The following SLC9A9 variants were observed in gnomAD, a reference collection of about 807,000 sequenced individuals.
SLC9A9 encodes the protein solute carrier family 9 member A9, also known as sodium/hydrogen exchanger 9.
SLC9A9 carries 62 observed loss-of-function variants against 77.8 expected under a neutral mutation model. The ratio of observed to expected loss-of-function variants is 0.80; its 90% confidence interval spans 0.65 to 0.98. The LOEUF is 0.98. Among genes scored for constraint, SLC9A9 ranks in the 50% least tolerant of loss-of-function variants. The pLI is 0.00. For missense variants in SLC9A9, 775 were observed against 774.9 expected (o/e 1.00, Z 0.00); for synonymous variants, 320 against 283.5 (o/e 1.13, Z -1.29).
Position 143,518,781 on chromosome 3 carries a change from T to C in SLC9A9, c.1090-23333A>G, listed in dbSNP as rs566747674. On this transcript the variant is annotated intron_variant, in intron 9 of 15. Transcript: ENST00000316549. The stretch of plus-strand genomic sequence containing the variant: ...AATGTGTTTCCACATATCTATTCTA[T>C]TGTTGATGGACATTTTGGTTGTGTC... Among the ~76,000 whole-genome samples the C allele has an allele frequency of 1.3e-3, 201 of 152,356 alleles. 2 individuals are homozygous for C. Among genetic ancestry groups the C allele is most frequent in the African/African-American group, 4.6e-3 (193 of 41,582 alleles).
intron 2 of SLC9A9, among the ~76,000 whole-genome samples, chr3:143,825,648 A>T (rs761033896): frequency 1.3e-5 from 2 of 152,220 alleles, no homozygotes; most frequent in Non-Finnish European, 2.9e-5. Flanking sequence ...ATTGCTCAGC[A>T]GTGTAACTCA....
chr3:143,829,394 CACTT>C (rs780022839), intron 2 of SLC9A9, among the ~76,000 whole-genome samples: 7 of 152,172 alleles, frequency 4.6e-5, no homozygotes, highest in South Asian at 2.1e-4. Context: ...CCTGGATACT[CACTT>C]ACTGCAGTCT....
At chr3:143,791,601 C>A (rs747737952) in intron 4 of SLC9A9, among the ~76,000 whole-genome samples, 1 of 152,226 alleles carries the variant, frequency 6.6e-6, no homozygotes, top group Non-Finnish European at 1.5e-5. Context: ...CATCCTGGAA[C>A]TTTGCACAAC....
intron 4 of SLC9A9, among the ~76,000 whole-genome samples, chr3:143,729,068 A>G (rs1020638798): frequency 6.6e-6 from 1 of 152,164 alleles, no homozygotes; most frequent in African/African-American, 2.4e-5. Context: ...TCCTACCACC[A>G]GGCAGTTCCA....
chr3:143,551,345 C>T (rs1233964104), intron 9 of SLC9A9, among the ~76,000 whole-genome samples: 2 of 152,186 alleles, frequency 1.3e-5, no homozygotes, highest in Non-Finnish European at 2.9e-5. Context: ...AGGTTATAGT[C>T]TAAAGTCCTT....
intron 4 of SLC9A9, among the ~76,000 whole-genome samples, chr3:143,743,551 G>A (rs1935135331): frequency 6.6e-6 from 1 of 152,102 alleles, no homozygotes; most frequent in African/African-American, 2.4e-5. Flanking sequence ...TCAGGAGAGA[G>A]AGGAAATTGG....
At position 143,696,844 on chromosome 3, in the gene SLC9A9, A is replaced by G. The variant is rs73868093; in HGVS notation, c.534-3537T>C. Among the ~76,000 whole-genome samples the G allele has an allele frequency of 3.0e-3, 463 of 152,282 alleles. 2 individuals carry two copies. Among genetic ancestry groups the G allele is most frequent in the Non-Finnish European group, 4.1e-3 (277 of 68,016 alleles). ...TATGGCAGGGTTACATGGAAACTAGAAGCCTCATATACTATTGCTGGAAAC... is the reference window on the plus strand; with the variant it reads ...TATGGCAGGGTTACATGGAAACTAGGAGCCTCATATACTATTGCTGGAAAC... On this transcript the variant is annotated intron_variant, in intron 4 of 15. Coordinates refer to ENST00000316549, the MANE Select transcript of SLC9A9 (RefSeq NM_173653.4).
At chr3:143,336,213 A>C (rs1351421007) in intron 14 of SLC9A9, among the ~76,000 whole-genome samples, 1 of 152,154 alleles carries the variant, frequency 6.6e-6, no homozygotes, top group Non-Finnish European at 1.5e-5. Flanking sequence ...ATACATTAGG[A>C]TGGCTACTAT....
At chr3:143,580,105 A>G (rs900069585) in intron 6 of SLC9A9, among the ~76,000 whole-genome samples, 4 of 152,298 alleles carry the variant, frequency 2.6e-5, no homozygotes, top group East Asian at 1.9e-4. Flanking sequence ...TGCAGGAAAA[A>G]AGGAAAAGTA....
intron 9 of SLC9A9, among the ~76,000 whole-genome samples, chr3:143,525,939 C>A (rs929798789): frequency 6.6e-6 from 1 of 152,102 alleles, no homozygotes; most frequent in African/African-American, 2.4e-5. Flanking sequence ...AATGAAATAG[C>A]TACAAAAGAC....
chr3:143,831,893 A>G (rs2009444354), intron 2 of SLC9A9, 126 bp downstream of exon 2: 1 of 846,758 alleles, frequency 1.2e-6, no homozygotes, highest in Admixed American at 2.3e-5. Context: ...AACGTCTCCA[A>G]AAGAGTGGTG....
intron 14 of SLC9A9, among the ~76,000 whole-genome samples, chr3:143,315,916 T>C (rs971007051): frequency 6.6e-6 from 1 of 152,228 alleles, no homozygotes; most frequent in Admixed American, 6.5e-5. Flanking sequence ...GTTCTCCAAA[T>C]GTCAGCTGGG....
chr3:143,582,583 G>C (rs73001745), intron 6 of SLC9A9, among the ~76,000 whole-genome samples: 1 of 152,138 alleles, frequency 6.6e-6, no homozygotes, highest in African/African-American at 2.4e-5. Context: ...TTTTGCATAA[G>C]AACAACAGGG....
intron 14 of SLC9A9, among the ~76,000 whole-genome samples, chr3:143,352,986 G>A (rs2032499136): frequency 6.6e-6 from 1 of 152,062 alleles, no homozygotes; most frequent in African/African-American, 2.4e-5. Flanking sequence ...TCTTAACCGG[G>A]ACACATGCGG....
At chr3:143,458,684 G>A (rs2108562392) in intron 12 of SLC9A9, among the ~76,000 whole-genome samples, 1 of 152,110 alleles carries the variant, frequency 6.6e-6, no homozygotes. Context: ...ACTTCAAGTG[G>A]AATGTAGAAA....
Position 143,578,677 on chromosome 3 carries a change from C to T in SLC9A9, c.802G>A (p.Ala268Thr). 6.2e-7 allele frequency: 1 copy of T among 1,614,078 alleles called. No homozygotes were observed. Among genetic ancestry groups the T allele is most frequent in the Non-Finnish European group, 8.5e-7 (1 of 1,179,950 alleles). The change falls in exon 7 of 16, where the codon GCC becomes ACC. Residue 268 changes from alanine (A) to threonine (T), a missense_variant. Ala to Thr is a moderately conservative substitution (Grantham distance 58). Coordinates refer to ENST00000316549, the MANE Select transcript of SLC9A9 (RefSeq NM_173653.4). ...SPKENPNAFDAAAFFQSVGNF... is the reference protein window; with the variant it reads ...SPKENPNAFDTAAFFQSVGNF... ...CCCACAGACTGGAAGAATGCTGCGGCATCAAATGCATTTGGATTCTCCTTG... is the reference window on the plus strand; with the variant it reads ...CCCACAGACTGGAAGAATGCTGCGGTATCAAATGCATTTGGATTCTCCTTG...
chr3:143,788,905 G>T (rs1369542167), intron 4 of SLC9A9, among the ~76,000 whole-genome samples: 3 of 151,674 alleles, frequency 2.0e-5, no homozygotes, highest in Admixed American at 6.6e-5. Flanking sequence ...GCTTGAAAAG[G>T]TATCATACAA....
intron 6 of SLC9A9, among the ~76,000 whole-genome samples, chr3:143,589,876 C>A (rs910521812): frequency 2.6e-5 from 4 of 152,128 alleles, no homozygotes; most frequent in African/African-American, 9.7e-5. Flanking sequence ...ATAACTCGAA[C>A]ATACACCCCA....
At chr3:143,826,436 A>G (rs60882025) in intron 2 of SLC9A9, among the ~76,000 whole-genome samples, 3,895 of 152,188 alleles carry the variant, frequency 0.026, 142 homozygotes, top group African/African-American at 0.086. Context: ...CAAGCCCTTC[A>G]CAGCCTTCCT....
Sources: allele counts gnomAD v4.1 joint callset (sites outside exome capture counted in the v4.1 genomes callset), GRCh38; gene constraint gnomAD v4.1.1; transcripts MANE v1.5; gene names NCBI Gene and HGNC (gene_info 2026-07-23, HGNC 2026-07-21).